ALK: variants seen among roughly 807,000 people sequenced by gnomAD.
ALK encodes ALK receptor tyrosine kinase, also known as ALK tyrosine kinase receptor.
ALK carries 74 observed loss-of-function variants against 163.1 expected under a neutral mutation model. That is an observed-to-expected ratio of 0.45 (90% CI 0.38 to 0.55). The LOEUF is 0.55. Ranked by LOEUF, ALK falls within the 20% of genes least tolerant of loss-of-function variation. The pLI, the probability that ALK is intolerant of heterozygous loss-of-function variation, is 0.00. For missense variants in ALK, 2,063 were observed against 2,105.3 expected (o/e 0.98, Z 0.39); for synonymous variants, 960 against 843.2 (o/e 1.14, Z -2.40).
At chr2:29,306,052 C>T (rs1337117050) in intron 8 of ALK, among the ~76,000 whole-genome samples, 2 of 151,540 alleles carry the variant, frequency 1.3e-5, no homozygotes, top group Non-Finnish European at 2.9e-5. Context: ...TGCTGTGTGG[C>T]CTGGTTCCTA....
chr2:29,919,965 C>T (rs746366194), intron 1 of ALK, 28 bp downstream of exon 1: 9 of 1,609,696 alleles, frequency 5.6e-6, no homozygotes, highest in Admixed American at 1.7e-5. Flanking sequence ...ACACTAAATC[C>T]CGGCACACTC....
At position 29,377,474 on chromosome 2, in the gene ALK, C is replaced by CAAAA. The variant is rs372035289; in HGVS notation, c.1282+6254_1282+6257dup. On this transcript the variant is annotated intron_variant, in intron 5 of 28. Transcript: ENST00000389048. ...TGGGCAACAGAGTGAGACTACATCTCAAAAAAAAAAAAAAAAAAGAGAGAG... is the reference window on the plus strand; with the variant it reads ...TGGGCAACAGAGTGAGACTACATCTCAAAAAAAAAAAAAAAAAAAAAAGAGAGAG... Among the ~76,000 whole-genome samples the CAAAA allele has an allele frequency of 1.4e-4, 17 of 118,976 alleles. 1 individual carries two copies. Among genetic ancestry groups the CAAAA allele is most frequent in the Non-Finnish European group, 2.6e-4 (15 of 58,622 alleles). 78.1% of individuals were successfully genotyped at this position (118,976 alleles called of 152,430 possible).
At chr2:29,314,889 G>A (rs529618672) in intron 8 of ALK, among the ~76,000 whole-genome samples, 8 of 152,262 alleles carry the variant, frequency 5.3e-5, no homozygotes, top group African/African-American at 1.9e-4. Context: ...TATTACCAGC[G>A]GCTGCAATGC....
intron 4 of ALK, among the ~76,000 whole-genome samples, chr2:29,440,770 C>T (rs1670521311): frequency 6.6e-6 from 1 of 152,228 alleles, no homozygotes. Flanking sequence ...TAAAGCACCA[C>T]TCTTTGATGC....
At chr2:29,509,433 G>T (rs955818787) in intron 4 of ALK, among the ~76,000 whole-genome samples, 2 of 152,150 alleles carry the variant, frequency 1.3e-5, no homozygotes, top group Non-Finnish European at 1.5e-5. Context: ...GTACTTGCTT[G>T]TACAATCCCT....
intron 4 of ALK, among the ~76,000 whole-genome samples, chr2:29,456,492 A>G (rs895788233): frequency 6.6e-6 from 1 of 152,210 alleles, no homozygotes; most frequent in Non-Finnish European, 1.5e-5. Flanking sequence ...TACCACTTAC[A>G]TGAGGTATGT....
intron 1 of ALK, among the ~76,000 whole-genome samples, chr2:29,748,597 T>C (rs1259008613): frequency 6.6e-6 from 1 of 152,158 alleles, no homozygotes; most frequent in Non-Finnish European, 1.5e-5. Flanking sequence ...GTGGGAAGCA[T>C]GTTGAACAGA....
At chr2:29,650,028 G>A (rs1357250130) in intron 3 of ALK, among the ~76,000 whole-genome samples, 2 of 152,168 alleles carry the variant, frequency 1.3e-5, no homozygotes, top group Non-Finnish European at 2.9e-5. Context: ...AGGAAGGGAA[G>A]GAAGGAAAAG....
chr2:29,706,511 A>G (rs1678915348), intron 2 of ALK, among the ~76,000 whole-genome samples: 1 of 152,192 alleles, frequency 6.6e-6, no homozygotes, highest in African/African-American at 2.4e-5. Flanking sequence ...GCTCCCTGGA[A>G]TGCATCTGGG....
chr2:29,255,503 C>CATT (rs1664928335), intron 11 of ALK, among the ~76,000 whole-genome samples: 1 of 152,160 alleles, frequency 6.6e-6, no homozygotes, highest in Non-Finnish European at 1.5e-5. Flanking sequence ...GAGACTTGTA[C>CATT]ATTAGTCTTC....
intron 3 of ALK, among the ~76,000 whole-genome samples, chr2:29,539,797 T>A (rs1385573674): frequency 6.6e-6 from 1 of 152,190 alleles, no homozygotes; most frequent in Non-Finnish European, 1.5e-5. Context: ...TTGATTCTTT[T>A]TATGCTTTAT....
intron 3 of ALK, among the ~76,000 whole-genome samples, chr2:29,599,428 G>A (rs1476421707): frequency 2.6e-5 from 4 of 152,236 alleles, no homozygotes; most frequent in South Asian, 2.1e-4. Flanking sequence ...AATAGAGGAC[G>A]TGGAGTCATA....
chr2:29,264,530 C>T (rs1665164736), intron 11 of ALK, among the ~76,000 whole-genome samples: 1 of 152,044 alleles, frequency 6.6e-6, no homozygotes, highest in African/African-American at 2.4e-5. Context: ...ACATATACTC[C>T]ATAAGAGTAG....
intron 5 of ALK, among the ~76,000 whole-genome samples, chr2:29,339,362 G>C (rs1667723824): frequency 6.6e-6 from 1 of 152,200 alleles, no homozygotes; most frequent in African/African-American, 2.4e-5. Context: ...AAGGCTGGGG[G>C]TGTGAAAGGA....
At chr2:29,531,779 G>T in intron 4 of ALK, 136 bp downstream of exon 4, 2 of 903,700 alleles carry the variant, frequency 2.2e-6, no homozygotes, top group Non-Finnish European at 3.5e-6. Flanking sequence ...GATATTAGTA[G>T]TAATTGCTCA....
At chr2:29,861,622 G>C (rs924951601) in intron 1 of ALK, among the ~76,000 whole-genome samples, 1 of 152,080 alleles carries the variant, frequency 6.6e-6, no homozygotes, top group Non-Finnish European at 1.5e-5. Context: ...TGAGTAAAAA[G>C]ATTGAATCAG....
chr2:29,888,514 A>G (rs978971017), intron 1 of ALK, among the ~76,000 whole-genome samples: 37 of 152,088 alleles, frequency 2.4e-4, no homozygotes, highest in Non-Finnish European at 2.6e-4. Flanking sequence ...CCTGTGTAGA[A>G]TTTCCACTGG....
chr2:29,239,473 C>T (rs955389916), intron 13 of ALK, among the ~76,000 whole-genome samples: 1 of 152,114 alleles, frequency 6.6e-6, no homozygotes, highest in African/African-American at 2.4e-5. Context: ...ATGGCCAGCT[C>T]TGCCAGGTCC....
chr2:29,732,426 A>G (rs1679771135), intron 1 of ALK, among the ~76,000 whole-genome samples: 1 of 152,212 alleles, frequency 6.6e-6, no homozygotes, highest in Non-Finnish European at 1.5e-5. Context: ...AGTTCCAGCC[A>G]TGGCTTCCTC....
Sources: allele counts gnomAD v4.1 joint callset (sites outside exome capture counted in the v4.1 genomes callset), GRCh38; gene constraint gnomAD v4.1.1; transcripts MANE v1.5; gene names NCBI Gene and HGNC (gene_info 2026-07-23, HGNC 2026-07-21).